The following DNM3 variants were observed in gnomAD, a reference collection of about 807,000 sequenced individuals.
The protein encoded by DNM3 is dynamin-3.
DNM3 carries 47 observed loss-of-function variants against 101.6 expected under a neutral mutation model. The observed-to-expected ratio is 0.46, with a 90% CI of 0.37 to 0.59. The LOEUF is 0.59. Among genes scored for constraint, DNM3 ranks in the 20% least tolerant of loss-of-function variants. DNM3 has a pLI of 0.00. For synonymous variants in DNM3, 385 were observed against 387.9 expected, an observed-to-expected ratio of 0.99 and a Z score of 0.09; for missense variants, 849 against 1,085.7, an observed-to-expected ratio of 0.78 and a Z score of 3.06.
intron 17 of DNM3, among the ~76,000 whole-genome samples, chr1:172,357,253 CATA>C (rs2067500385): frequency 6.6e-6 from 1 of 152,016 alleles, no homozygotes; most frequent in Non-Finnish European, 1.5e-5. Flanking sequence ...AGGATATTCA[CATA>C]GCCTCAAATA....
At chr1:171,937,795 T>G (rs1468826735) in intron 2 of DNM3, among the ~76,000 whole-genome samples, 1 of 152,150 alleles carries the variant, frequency 6.6e-6, no homozygotes, top group East Asian at 1.9e-4. Context: ...GCTCTCAAAC[T>G]CCTGGGTTTA....
chr1:172,288,021 C>T (rs1175000116), intron 15 of DNM3, among the ~76,000 whole-genome samples: 1 of 152,098 alleles, frequency 6.6e-6, no homozygotes, highest in East Asian at 1.9e-4. Flanking sequence ...GGATACTAAG[C>T]TAATTCAACC....
At chr1:171,983,800 A>G (rs1018396023) in intron 2 of DNM3, among the ~76,000 whole-genome samples, 1 of 152,194 alleles carries the variant, frequency 6.6e-6, no homozygotes, top group Non-Finnish European at 1.5e-5. Flanking sequence ...TTTTCAGAGT[A>G]GAGACACCTA....
chr1:172,309,503 T>A (rs930679423), intron 16 of DNM3: 1 of 152,210 alleles, frequency 6.6e-6, no homozygotes, highest in Non-Finnish European at 1.5e-5. Context: ...ACCCAACATA[T>A]GTGCACCCAC....
chr1:172,207,256 T>G lies in DNM3; in HGVS notation c.1660-46317T>G, dbSNP rs565067570. Among the ~76,000 whole-genome samples the G allele has an allele frequency of 4.6e-5, 7 of 152,142 alleles. No individual in the cohort carries two copies. In the South Asian group the frequency reaches 1.5e-3, roughly 32 times the overall value. ...TAGGGTTCCAGTGTTATATTGACAT[T>G]GTGACACTAATGCAGATAGCACCAA... On this transcript the variant is annotated intron_variant, in intron 14 of 20. Transcript: ENST00000627582.
chr1:172,354,204 G>GA (rs771460291), intron 17 of DNM3, among the ~76,000 whole-genome samples: 63 of 150,846 alleles, frequency 4.2e-4, no homozygotes, highest in Non-Finnish European at 1.6e-4. Context: ...AAATGTTGTA[G>GA]AAAAAACCGG....
chr1:172,313,841 G>A (rs1012638672), intron 16 of DNM3, among the ~76,000 whole-genome samples: 2 of 151,940 alleles, frequency 1.3e-5, no homozygotes, highest in Non-Finnish European at 2.9e-5. Context: ...TACATGTGCA[G>A]AATGTGCAGG....
chr1:171,978,597 T>G (rs2044554273), intron 2 of DNM3, among the ~76,000 whole-genome samples: 1 of 152,198 alleles, frequency 6.6e-6, no homozygotes, highest in Admixed American at 6.5e-5. Flanking sequence ...TTTCTAAATG[T>G]ACTGGAAAAC....
Position 171,841,884 on chromosome 1 carries a change from T to G in DNM3, c.161+67T>G, listed in dbSNP as rs1382542774. On this transcript the variant is annotated intron_variant, in intron 1 of 20. Coordinates refer to ENST00000627582, the MANE Select transcript of DNM3 (RefSeq NM_015569.5). ...GACCCCGCTGCGGGCCGTTGGAACG[T>G]GGACGGGCAGCGGGAGCCAGAGGGT... 11 of 1,424,538 alleles carry G rather than the reference T, an allele frequency of 7.7e-6. No homozygotes were observed. The East Asian group carries it at 3.3e-4, about 42-fold the overall frequency. 88.2% of individuals were successfully genotyped at this position (1,424,538 alleles called of 1,614,324 possible).
At chr1:172,415,375 CTAAGATTAATCA>C (rs968565836), downstream of DNM3, 1 of 152,134 alleles carries the variant, frequency 6.6e-6, no homozygotes, top group African/African-American at 2.4e-5. Flanking sequence ...CCAGGTTGAT[CTAAGATTAATCA>C]TCAGAGAAGA....
intron 11 of DNM3, among the ~76,000 whole-genome samples, chr1:172,075,047 A>T (rs2052530519): frequency 6.6e-6 from 1 of 151,836 alleles, no homozygotes; most frequent in Non-Finnish European, 1.5e-5. Flanking sequence ...TGTGGTTTTG[A>T]TTTGCATTTC....
chr1:172,359,146 A>ACACACG (rs2149003603), intron 17 of DNM3, among the ~76,000 whole-genome samples: 1 of 109,688 alleles, frequency 9.1e-6, no homozygotes, highest in South Asian at 2.7e-4. Flanking sequence ...ACACACACAC[A>ACACACG]CACACACACA....
chr1:172,128,344 G>C (rs181278113), intron 13 of DNM3, among the ~76,000 whole-genome samples: 135 of 152,230 alleles, frequency 8.9e-4, no homozygotes, highest in African/African-American at 2.6e-3. Flanking sequence ...AACTCCTCCA[G>C]TTTCCCAAAC....
At chr1:172,029,160 A>G (rs887218728) in intron 4 of DNM3, among the ~76,000 whole-genome samples, 4 of 152,264 alleles carry the variant, frequency 2.6e-5, no homozygotes, top group East Asian at 1.9e-4. Context: ...AAAATCCTCA[A>G]TAAAATACTG....
At chr1:171,842,230 C>G (rs894055206) in intron 1 of DNM3, among the ~76,000 whole-genome samples, 2 of 152,154 alleles carry the variant, frequency 1.3e-5, no homozygotes, top group African/African-American at 4.8e-5. Context: ...CTCAACACCC[C>G]CCTCCTTTTC....
At chr1:171,846,279 C>T (rs1470043851) in intron 1 of DNM3, among the ~76,000 whole-genome samples, 1 of 152,120 alleles carries the variant, frequency 6.6e-6, no homozygotes, top group Non-Finnish European at 1.5e-5. Context: ...CAAATGAATT[C>T]CTTTTTTATT....
chr1:171,965,656 G>T (rs760601171), intron 2 of DNM3, among the ~76,000 whole-genome samples: 1 of 152,138 alleles, frequency 6.6e-6, no homozygotes, highest in South Asian at 2.1e-4. Flanking sequence ...TGAAGCATGA[G>T]CGCTTCTGTC....
chr1:172,378,958 C>G, intron 17 of DNM3, 60 bp from the exon 18 acceptor site: 1 of 1,538,204 alleles, frequency 6.5e-7, no homozygotes, highest in East Asian at 2.3e-5. Flanking sequence ...TAACGACTGA[C>G]ATTTTATTTT....
At chr1:172,245,930 T>G (rs918172912) in intron 14 of DNM3, among the ~76,000 whole-genome samples, 2 of 152,132 alleles carry the variant, frequency 1.3e-5, no homozygotes, top group Non-Finnish European at 2.9e-5. Context: ...TTTAATTGAC[T>G]CACAGTTCTG....
Sources: gnomAD v4.1 joint callset for allele counts (sites outside exome capture counted in the v4.1 genomes callset) on GRCh38, gnomAD v4.1.1 for gene constraint, MANE v1.5 for transcripts, NCBI Gene and HGNC (gene_info 2026-07-23, HGNC 2026-07-21) for gene names.